Variants in ABCA10 observed in about 807,000 individuals in gnomAD.
ABCA10 encodes ATP binding cassette subfamily A member 10.
A neutral mutation model predicts 187.5 loss-of-function variants in ABCA10; 169 were observed. That is an observed-to-expected ratio of 0.90 (90% CI 0.80 to 1.02). ABCA10 has a LOEUF of 1.02. Among genes scored for constraint, ABCA10 ranks in the 50% least tolerant of loss-of-function variants. The pLI, the probability that ABCA10 is intolerant of heterozygous loss-of-function variation, is 0.00. For synonymous variants in ABCA10, 574 were observed against 601.8 expected (o/e 0.95, Z 0.68); for missense variants, 1,727 against 1,812.4 (o/e 0.95, Z 0.86).
intron 3 of ABCA10, chr17:69,223,838 A>G: frequency 3.8e-6 from 1 of 266,660 alleles, no homozygotes; most frequent in Non-Finnish European, 7.5e-6. Flanking sequence ...TGGTAGCTGG[A>G]ATGAGATATT....
At chr17:69,154,952 C>T in intron 30 of ABCA10, 67 bp downstream of exon 30, 2 of 1,210,558 alleles carry the variant, frequency 1.7e-6, no homozygotes, top group African/African-American at 1.5e-5. Context: ...AATTTGTCCC[C>T]TTTGTAGTCT....
At chr17:69,222,825 C>T in intron 3 of ABCA10, 128 bp from the exon 4 acceptor site, 2 of 801,008 alleles carry the variant, frequency 2.5e-6, no homozygotes, top group Non-Finnish European at 3.5e-6. Context: ...ATAGCTGCCT[C>T]TTAGTAAAAG....
intron 5 of ABCA10, among the ~76,000 whole-genome samples, chr17:69,221,278 T>G (rs567457725): frequency 6.6e-6 from 1 of 152,264 alleles, no homozygotes; most frequent in Admixed American, 6.5e-5. Context: ...GCCCTTTTGA[T>G]GGTGTGGTAG....
chr17:69,182,631 ACAAAAAAAAAC>A (rs764869398), intron 21 of ABCA10, 33 bp downstream of exon 21: 2 of 1,529,996 alleles, frequency 1.3e-6, no homozygotes, highest in Admixed American at 2.2e-5. Flanking sequence ...GGCAAAAAAA[ACAAAAAAAAAC>A]CAAAAAAAAA....
chr17:69,194,091 A>C, intron 12 of ABCA10, 102 bp from the exon 13 acceptor site: 1 of 1,144,930 alleles, frequency 8.7e-7, no homozygotes, highest in Non-Finnish European at 1.2e-6. Context: ...ACTTGTTTTT[A>C]TTAAAGAAAC....
At chr17:69,230,324 A>G (rs934004175), upstream of ABCA10, among the ~76,000 whole-genome samples, 7 of 152,108 alleles carry the variant, frequency 4.6e-5, no homozygotes, top group Non-Finnish European at 1.0e-4. Flanking sequence ...AATAAAAAAC[A>G]AGCTAAGACA....
At chr17:69,165,954 C>T (rs1210182448) in intron 25 of ABCA10, among the ~76,000 whole-genome samples, 3 of 152,126 alleles carry the variant, frequency 2.0e-5, no homozygotes, top group Non-Finnish European at 4.4e-5. Context: ...TATATCAAAA[C>T]ATGCATAGAA....
At chr17:69,211,392 T>A (rs2074657937) in intron 9 of ABCA10, among the ~76,000 whole-genome samples, 1 of 145,754 alleles carries the variant, frequency 6.9e-6, no homozygotes, top group African/African-American at 2.5e-5. Context: ...TATCCACTCG[T>A]TGGTTGATAG....
chr17:69,241,167 A>G (rs892409903), intron 1 of ABCA10, among the ~76,000 whole-genome samples: 1 of 152,178 alleles, frequency 6.6e-6, no homozygotes, highest in African/African-American at 2.4e-5. Context: ...CAGAGACATA[A>G]TTGCTGATAA....
chr17:69,175,426 T>C lies in ABCA10; in HGVS notation c.2857A>G (p.Ser953Gly). Residue 953 changes from serine (S) to glycine (G), a missense_variant, in exon 23 of 39, where the codon AGC becomes GGC. Physicochemically the swap from Ser to Gly is moderately conservative, Grantham distance 56 (BLOSUM62 0). Transcript: ENST00000690296. ...CTTACTTTATAATCGCTGATGCTGC[T>C]CATGCCGATAAAAGGAGAAACGCAG... ...TNCVSPFIGM[S>G]SISDYKKNVQ... The C allele has an allele frequency of 1.9e-6, 3 of 1,611,504 alleles. No homozygotes were observed. Among genetic ancestry groups the C allele is most frequent in the Non-Finnish European group, 2.5e-6 (3 of 1,178,498 alleles).
chr17:69,209,558 A>T (rs1299668098), intron 9 of ABCA10, among the ~76,000 whole-genome samples: 3 of 152,242 alleles, frequency 2.0e-5, no homozygotes, highest in Non-Finnish European at 4.4e-5. Context: ...AAATACCTGA[A>T]TTAGAAATCA....
At chr17:69,184,520 C>T (rs956059708) in intron 20 of ABCA10, among the ~76,000 whole-genome samples, 33 of 152,050 alleles carry the variant, frequency 2.2e-4, no homozygotes, top group African/African-American at 8.0e-4. Context: ...CTGGTACCCA[C>T]GGCTGCGAGA....
At chr17:69,214,979 G>T in intron 8 of ABCA10, 128 bp from the exon 9 acceptor site, 8 of 565,658 alleles carry the variant, frequency 1.4e-5, no homozygotes, top group African/African-American at 2.0e-5. Flanking sequence ...AATATGCATA[G>T]TAAATGTGCT....
intron 1 of ABCA10, chr17:69,234,594 T>A (rs900561803): frequency 2.0e-5 from 3 of 152,236 alleles, no homozygotes; most frequent in African/African-American, 7.2e-5. Context: ...ATCTTATACC[T>A]GAATCCTGAG....
At chr17:69,200,114 G>A (rs566945440) in intron 10 of ABCA10, among the ~76,000 whole-genome samples, 15 of 152,060 alleles carry the variant, frequency 9.9e-5, no homozygotes, top group African/African-American at 2.2e-4. Flanking sequence ...CACCTTTTAC[G>A]TATCTGTTTC....
chr17:69,229,444 G>T (rs1470493454), upstream of ABCA10, among the ~76,000 whole-genome samples: 1 of 151,840 alleles, frequency 6.6e-6, no homozygotes, highest in Non-Finnish European at 1.5e-5. Flanking sequence ...TAATGATTTT[G>T]TTACTTTTTT....
chr17:69,197,981 C>T (rs747402742), intron 10 of ABCA10, among the ~76,000 whole-genome samples: 2 of 152,038 alleles, frequency 1.3e-5, no homozygotes, highest in Non-Finnish European at 2.9e-5. Context: ...TCAAACTGAA[C>T]GCATTATATT....
intron 1 of ABCA10, among the ~76,000 whole-genome samples, chr17:69,241,574 G>A (rs2074903548): frequency 6.6e-6 from 1 of 152,102 alleles, no homozygotes; most frequent in Admixed American, 6.5e-5. Flanking sequence ...AAGCTTCACT[G>A]GTTCTGTTTC....
At chr17:69,153,264 G>A in intron 34 of ABCA10, 41 bp downstream of exon 34, 1 of 1,565,412 alleles carries the variant, frequency 6.4e-7, no homozygotes, top group Non-Finnish European at 8.6e-7. Context: ...TATCCTAGAG[G>A]TATTCTCTTG....
Sources: allele counts gnomAD v4.1 joint callset (sites outside exome capture counted in the v4.1 genomes callset), GRCh38; gene constraint gnomAD v4.1.1; transcripts MANE v1.5; gene names NCBI Gene and HGNC (gene_info 2026-07-23, HGNC 2026-07-21).